Variants in PDE4D observed in about 807,000 individuals in gnomAD.
PDE4D encodes phosphodiesterase 4D.
In PDE4D, 24 loss-of-function variants were observed where a neutral mutation model predicts 87.4. The ratio of observed to expected loss-of-function variants is 0.27; its 90% confidence interval spans 0.20 to 0.39. PDE4D has a LOEUF of 0.39. Ranked by LOEUF, PDE4D falls within the 10% of genes least tolerant of loss-of-function variation. PDE4D has a pLI of 1.00. For synonymous variants in PDE4D, 384 were observed against 383.2 expected, an observed-to-expected ratio of 1.00 and a Z score of -0.02; for missense variants, 714 against 1,041.0, an observed-to-expected ratio of 0.69 and a Z score of 4.32.
intron 1 of PDE4D, among the ~76,000 whole-genome samples, chr5:59,283,285 A>C (rs1766205286): frequency 6.6e-6 from 1 of 152,168 alleles, no homozygotes; most frequent in South Asian, 2.1e-4. Flanking sequence ...GATTTAAAAT[A>C]ATTGGTTTGT....
intron 1 of PDE4D, among the ~76,000 whole-genome samples, chr5:59,840,943 A>G (rs542024145): frequency 7.9e-5 from 12 of 152,096 alleles, no homozygotes; most frequent in Non-Finnish European, 1.8e-4. Context: ...TCTTCACTCA[A>G]TGAAAGAATC....
chr5:59,084,832 G>A (rs1172951617), intron 5 of PDE4D, among the ~76,000 whole-genome samples: 1 of 152,010 alleles, frequency 6.6e-6, no homozygotes, highest in African/African-American at 2.4e-5. Flanking sequence ...ACACAAAACA[G>A]ATTTTAATAT....
intron 6 of PDE4D, among the ~76,000 whole-genome samples, chr5:59,009,768 AT>A (rs1752397169): frequency 6.6e-6 from 1 of 152,224 alleles, no homozygotes; most frequent in Non-Finnish European, 1.5e-5. Context: ...AGTAACTCTT[AT>A]GTAAATTATA....
At chr5:59,190,018 T>C (rs993345178) in intron 3 of PDE4D, among the ~76,000 whole-genome samples, 10 of 152,208 alleles carry the variant, frequency 6.6e-5, no homozygotes, top group Non-Finnish European at 1.5e-4. Flanking sequence ...AAAAGTGCAA[T>C]CTATCTTTGC....
At chr5:59,089,100 T>G (rs1267464868) in intron 5 of PDE4D, among the ~76,000 whole-genome samples, 1 of 152,208 alleles carries the variant, frequency 6.6e-6, no homozygotes, top group Non-Finnish European at 1.5e-5. Context: ...TAATCTATAC[T>G]TCTATCAGAG....
intron 2 of PDE4D, among the ~76,000 whole-genome samples, chr5:60,038,316 G>A (rs1053498399): frequency 1.3e-5 from 2 of 152,102 alleles, no homozygotes; most frequent in Non-Finnish European, 2.9e-5. Context: ...GTGTAAGGAA[G>A]GGATCCAGTT....
At chr5:59,319,772 CAATAAGGTACTCTGTTCTGA>C in intron 1 of PDE4D, among the ~76,000 whole-genome samples, 1 of 152,136 alleles carries the variant, frequency 6.6e-6, no homozygotes. Context: ...TTAGGAAAAG[CAATAAGGTACTCTGTTCTGA>C]AATTGTTTCT....
At chr5:60,125,162 C>T (rs762745607) in intron 2 of PDE4D, among the ~76,000 whole-genome samples, 10 of 152,174 alleles carry the variant, frequency 6.6e-5, no homozygotes, top group Non-Finnish European at 1.0e-4. Flanking sequence ...AACCAACTGC[C>T]TATCTTTCCA....
chr5:59,982,295 G>A (rs1176848841), intron 3 of PDE4D, among the ~76,000 whole-genome samples: 6 of 152,190 alleles, frequency 3.9e-5, no homozygotes. Flanking sequence ...ATCCAGAGGT[G>A]TGTCATCATG....
At chr5:59,854,736 C>A (rs771409991) in intron 1 of PDE4D, among the ~76,000 whole-genome samples, 4 of 151,964 alleles carry the variant, frequency 2.6e-5, no homozygotes, top group Non-Finnish European at 5.9e-5. Context: ...AATACAGTCA[C>A]CCTATATAAT....
chr5:59,760,077 A>C (rs750581495), intron 1 of PDE4D, among the ~76,000 whole-genome samples: 2 of 152,158 alleles, frequency 1.3e-5, no homozygotes, highest in Non-Finnish European at 2.9e-5. Flanking sequence ...TTTCTCTTTT[A>C]TAGGTGACAA....
intron 2 of PDE4D, among the ~76,000 whole-genome samples, chr5:60,155,866 T>A (rs979603673): frequency 6.6e-6 from 1 of 152,196 alleles, no homozygotes; most frequent in African/African-American, 2.4e-5. Context: ...TTTCATTAAA[T>A]GAATCAAATT....
chr5:59,791,161 G>T (rs1199816801), intron 1 of PDE4D, among the ~76,000 whole-genome samples: 2 of 152,172 alleles, frequency 1.3e-5, no homozygotes, highest in African/African-American at 4.8e-5. Flanking sequence ...ACATCCAAGA[G>T]AATTCACATA....
chr5:59,009,359 C>G (rs2153363482), intron 6 of PDE4D, among the ~76,000 whole-genome samples: 1 of 151,946 alleles, frequency 6.6e-6, no homozygotes, highest in Non-Finnish European at 1.5e-5. Context: ...CAAATTGTGT[C>G]CATAAAATGA....
intron 2 of PDE4D, among the ~76,000 whole-genome samples, chr5:60,062,011 G>A (rs1357093670): frequency 6.6e-6 from 1 of 152,148 alleles, no homozygotes; most frequent in African/African-American, 2.4e-5. Context: ...CATGGGCAAA[G>A]ATTTTATGAT....
intron 5 of PDE4D, among the ~76,000 whole-genome samples, chr5:59,048,880 T>G (rs2153402024): frequency 6.6e-6 from 1 of 152,318 alleles, no homozygotes; most frequent in Non-Finnish European, 1.5e-5. Flanking sequence ...ATTCATATAA[T>G]GGTCTACTAC....
At chr5:59,545,618 T>C (rs1446464080) in intron 1 of PDE4D, among the ~76,000 whole-genome samples, 1 of 152,188 alleles carries the variant, frequency 6.6e-6, no homozygotes, top group African/African-American at 2.4e-5. Context: ...ATATGTGGGC[T>C]TTTCACCTAG....
At chr5:59,707,003 T>C (rs1753509693) in intron 1 of PDE4D, among the ~76,000 whole-genome samples, 1 of 152,210 alleles carries the variant, frequency 6.6e-6, no homozygotes, top group South Asian at 2.1e-4. Flanking sequence ...TAAGGTTTTA[T>C]AGCAGAACAT....
intron 1 of PDE4D, among the ~76,000 whole-genome samples, chr5:59,367,498 T>TC (rs948089410): frequency 3.9e-5 from 6 of 152,184 alleles, no homozygotes; most frequent in Non-Finnish European, 7.3e-5. Flanking sequence ...TTTCTTTTTT[T>TC]CCCACCAGGA....
Sources: gnomAD v4.1 joint callset for allele counts (sites outside exome capture counted in the v4.1 genomes callset) on GRCh38, gnomAD v4.1.1 for gene constraint, MANE v1.5 for transcripts, NCBI Gene and HGNC (gene_info 2026-07-23, HGNC 2026-07-21) for gene names.